CFAP44: variants seen among roughly 807,000 people sequenced by gnomAD.
CFAP44 encodes cilia- and flagella-associated protein 44.
Under a neutral mutation model 216.2 loss-of-function variants are expected in CFAP44, and 134 were observed. The ratio of observed to expected loss-of-function variants is 0.62; its 90% CI spans 0.54 to 0.72. The LOEUF (loss-of-function observed/expected upper bound fraction) is 0.72. CFAP44 is among the 30% of genes least tolerant of loss of function. CFAP44 has a pLI of 0.00. For synonymous variants in CFAP44, 700 were observed against 727.6 expected (o/e 0.96, Z 0.61); for missense variants, 2,035 against 2,182.1 (o/e 0.93, Z 1.34).
At chr3:113,437,823 C>T (rs1935272557) in intron 1 of CFAP44, among the ~76,000 whole-genome samples, 1 of 152,014 alleles carries the variant, frequency 6.6e-6, no homozygotes, top group African/African-American at 2.4e-5. Context: ...GTTTTAATAA[C>T]AAAGGGATTG....
rs62265971 is a variant in CFAP44 at position 113,436,682 on chromosome 3, G to A, written c.-5-3013C>T. Among the ~76,000 whole-genome samples, 953 of 152,252 alleles carry A rather than the reference G, an allele frequency of 6.3e-3. 8 individuals are homozygous for A. The highest frequency in any genetic ancestry group is 0.024 in the Middle Eastern group (7 of 294). Reference sequence around the variant, plus strand: ...AAAGTACTCCCTAAGTTTCCAAGACGCAGGTCCCAAATAAGTGAAGGCAAG... The same window carrying A: ...AAAGTACTCCCTAAGTTTCCAAGACACAGGTCCCAAATAAGTGAAGGCAAG... On this transcript the variant is annotated intron_variant, in intron 1 of 34. Coordinates refer to ENST00000393845, the MANE Select transcript of CFAP44 (RefSeq NM_001164496.2).
Position 113,420,770 on chromosome 3 carries a change from A to G in CFAP44, c.408-591T>C, listed in dbSNP as rs144169285. ...AAATTTTAACACACCATTTGATAAC[A>G]TGATTATAATAAATTCACATAAATA... On this transcript the variant is annotated intron_variant, in intron 4 of 34. Transcript: ENST00000393845. Among the ~76,000 whole-genome samples the G allele has an allele frequency of 3.6e-4, 55 of 152,344 alleles. 1 individual carries two copies. The East Asian group carries it at 8.3e-3, about 23-fold the overall frequency.
At position 113,294,712 on chromosome 3, in the gene CFAP44, C is replaced by A. The variant is rs1485529306; in HGVS notation, c.5348G>T (p.Arg1783Leu). The A allele has an allele frequency of 1.3e-6, 2 of 1,534,964 alleles. No homozygotes were observed. Among genetic ancestry groups the A allele is most frequent in the African/African-American group, 2.7e-5 (2 of 72,850 alleles). Residue 1783 changes from arginine (R) to leucine (L), a missense_variant, in exon 34 of 35, where the codon CGG (arginine) becomes CTG (leucine). By Grantham distance (102) the Arg-to-Leu change is moderately radical. Coordinates refer to ENST00000393845, the MANE Select transcript of CFAP44 (RefSeq NM_001164496.2). ...CTGCTGATTCTGTAGTGTATTCAACCGAGAATCAAGTTTCTTCTTTTCAAT... is the reference window on the plus strand; with the variant it reads ...CTGCTGATTCTGTAGTGTATTCAACAGAGAATCAAGTTTCTTCTTTTCAAT... The part of the protein sequence containing the change: ...LCIEKKKLDS[R>L]LNTLQNQQGN...
chr3:113,291,643 T>C lies in CFAP44; in HGVS notation c.5479A>G (p.Ile1827Val), dbSNP rs202098667. 13 of 1,537,192 alleles carry C rather than the reference T, an allele frequency of 8.5e-6. No individual in the cohort carries two copies. The highest frequency in any genetic ancestry group is 3.3e-4 in the Middle Eastern group (2 of 6,010). The change falls in exon 35 of 35, where the codon ATT becomes GTT. Residue 1827 changes from isoleucine to valine, a missense_variant. Around this residue, in one of 3 missense-constraint regions of CFAP44, gnomAD observed 1,883 missense variants for 2,023.7 expected, o/e 0.93. Coordinates refer to ENST00000393845, the MANE Select transcript of CFAP44 (RefSeq NM_001164496.2). The stretch of plus-strand genomic sequence containing the variant: ...CTGCCTTTCCTACGCAAAAGAGCAA[T>C]CTCCTCCTTTAAGGCCGAAATCCTT... The part of the protein sequence containing the change: ...AERISALKEE[I>V]ALLRRKGSLI...
At position 113,379,413 on chromosome 3, in the gene CFAP44, CCT is replaced by C; in HGVS notation, c.2189_2190del (p.Glu730GlyfsTer11). 1 of 1,612,400 alleles carries C rather than the reference CCT, an allele frequency of 6.2e-7. No homozygotes were observed. The highest frequency in any genetic ancestry group is 1.3e-5 in the African/African-American group (1 of 74,992). ...AATGGCTCTTCTTCCTCCTCCTCCT[CCT>C]CTTTCTCCTCTTCCTCCTCCTGAAA... ...KEFQEEEEEK[E>X]EEEEEEEPLP... On this transcript the variant is annotated frameshift_variant, in exon 17 of 35. Coordinates refer to ENST00000393845, the MANE Select transcript of CFAP44 (RefSeq NM_001164496.2). LOFTEE classifies it high-confidence loss of function.
At chr3:113,419,985 TGG>T in intron 5 of CFAP44, 30 bp downstream of exon 5, 1 of 1,603,470 alleles carries the variant, frequency 6.2e-7, no homozygotes, top group East Asian at 2.2e-5. Context: ...TAGGGTTTTT[TGG>T]GGTTTTTTTC....
At chr3:113,305,246 A>G in intron 30 of CFAP44, 94 bp from the exon 31 acceptor site, 1 of 1,070,828 alleles carries the variant, frequency 9.3e-7, no homozygotes, top group Non-Finnish European at 1.4e-6. Flanking sequence ...GAAGTAAAGC[A>G]TGAGCAGAAT....
chr3:113,424,155 G>A (rs1289852717), intron 4 of CFAP44, among the ~76,000 whole-genome samples: 1 of 152,094 alleles, frequency 6.6e-6, no homozygotes, highest in African/African-American at 2.4e-5. Context: ...CTGAAGTAGA[G>A]GGCTAGGCGC....
At position 113,416,522 on chromosome 3, in the gene CFAP44, C is replaced by T; in HGVS notation, c.673+3G>A. The T allele has an allele frequency of 6.3e-7, 1 of 1,593,632 alleles. No individual in the cohort carries two copies. Among genetic ancestry groups the T allele is most frequent in the Admixed American group, 1.7e-5 (1 of 58,696 alleles). On this transcript the variant is annotated splice_donor_region_variant and intron_variant, in intron 6 of 34. Transcript: ENST00000393845. ...AAATATTTAAATATGCTTCTGGACTCACCTCGAAGGACTCTGTATGGTCTC... is the reference window on the plus strand; with the variant it reads ...AAATATTTAAATATGCTTCTGGACTTACCTCGAAGGACTCTGTATGGTCTC...
rs1559934628 is a variant in CFAP44, at chr3:113,395,834, AAAG to A, written c.1803_1805del (p.Phe602del). On this transcript the variant is annotated inframe_deletion, in exon 15 of 35. Transcript: ENST00000393845. ...TCGGCTTATAATCCCTTTCCACTTC[AAAG>A]AAGAAAACAGTTTGATCTTTACTCT... 2 of 1,613,884 alleles carry A rather than the reference AAAG, an allele frequency of 1.2e-6. No homozygotes were observed. The highest frequency in any genetic ancestry group is 1.7e-6 in the Non-Finnish European group (2 of 1,179,888).
intron 1 of CFAP44, among the ~76,000 whole-genome samples, chr3:113,435,310 A>G (rs148196485): frequency 1.3e-5 from 2 of 152,326 alleles, no homozygotes; most frequent in East Asian, 3.9e-4. Flanking sequence ...GACACTTACA[A>G]TCATAGCAGA....
intron 15 of CFAP44, among the ~76,000 whole-genome samples, chr3:113,383,755 T>G (rs1489934791): frequency 1.3e-5 from 2 of 152,184 alleles, no homozygotes; most frequent in Non-Finnish European, 2.9e-5. Flanking sequence ...AGCTGACCTT[T>G]TTTAAAAAAT....
intron 13 of CFAP44, among the ~76,000 whole-genome samples, chr3:113,399,698 G>A (rs1317228009): frequency 6.6e-6 from 1 of 151,916 alleles, no homozygotes; most frequent in Non-Finnish European, 1.5e-5. Flanking sequence ...ATCTACAGGT[G>A]GCAAAAAATT....
intron 23 of CFAP44, among the ~76,000 whole-genome samples, chr3:113,343,004 A>G (rs1950347804): frequency 6.7e-6 from 1 of 148,750 alleles, no homozygotes; most frequent in African/African-American, 2.5e-5. Flanking sequence ...AAATAAATAA[A>G]AAATTAAAAA....
rs139667227 is a variant in CFAP44, at chr3:113,312,594, C to T, written c.4517-4326G>A. Among the ~76,000 whole-genome samples the T allele has an allele frequency of 6.6e-4, 101 of 152,210 alleles. 1 individual carries two copies. Among genetic ancestry groups the T allele is most frequent in the African/African-American group, 2.1e-3 (89 of 41,506 alleles). On this transcript the variant is annotated intron_variant, in intron 28 of 34. Transcript: ENST00000393845. ...TGGGGAATATATCTCCAGGGCATGTCGGAGGCCTTCACACAGCCCCTCCCA... is the reference window on the plus strand; with the variant it reads ...TGGGGAATATATCTCCAGGGCATGTTGGAGGCCTTCACACAGCCCCTCCCA...
chr3:113,298,292 A>G (rs1005696196), intron 32 of CFAP44, among the ~76,000 whole-genome samples: 1 of 152,176 alleles, frequency 6.6e-6, no homozygotes, highest in Non-Finnish European at 1.5e-5. Context: ...TGGAACACTC[A>G]CTACCCACCT....
chr3:113,411,491 C>T (rs1385776530), intron 6 of CFAP44, among the ~76,000 whole-genome samples: 2 of 152,074 alleles, frequency 1.3e-5, no homozygotes, highest in Admixed American at 6.6e-5. Flanking sequence ...CTCTGTTCTG[C>T]TCCATTGGTC....
At position 113,437,197 on chromosome 3, in the gene CFAP44, T is replaced by C. The variant is rs1034428013; in HGVS notation, c.-5-3528A>G. Among the ~76,000 whole-genome samples, 6 of 152,314 alleles carry C rather than the reference T, an allele frequency of 3.9e-5. No homozygotes were observed. In the East Asian group the frequency reaches 1.2e-3, roughly 29 times the overall value. ...CCAGGAATAATGGGTCAAGTTCACC[T>C]AGTGATTTGAATCTCATGATTTTCT... On this transcript the variant is annotated intron_variant, in intron 1 of 34. Coordinates refer to ENST00000393845, the MANE Select transcript of CFAP44 (RefSeq NM_001164496.2).
intron 32 of CFAP44, among the ~76,000 whole-genome samples, chr3:113,302,848 A>G (rs571410653): frequency 3.3e-5 from 5 of 152,050 alleles, no homozygotes; most frequent in Admixed American, 3.3e-4. Flanking sequence ...AGTGCATTCA[A>G]TGGACAAAAA....
Sources: gnomAD v4.1 joint callset for allele counts (sites outside exome capture counted in the v4.1 genomes callset) on GRCh38, gnomAD v4.1.1 for gene constraint, gnomAD v4.1.1 regional missense constraint, MANE v1.5 for transcripts, NCBI Gene and HGNC (gene_info 2026-07-23, HGNC 2026-07-21) for gene names.